The following CRYBG1 variants were observed in gnomAD, a reference collection of about 807,000 sequenced individuals.
CRYBG1 encodes the protein crystallin beta-gamma domain containing 1, also known as beta/gamma crystallin domain-containing protein 1.
Under a neutral mutation model 189.2 loss-of-function variants are expected in CRYBG1, and 139 were observed. The ratio of observed to expected loss-of-function variants is 0.73; its 90% CI spans 0.64 to 0.85. The LOEUF is 0.85. Ranked by LOEUF, CRYBG1 falls within the 40% of genes least tolerant of loss-of-function variation. The pLI is 0.00. For synonymous variants in CRYBG1, 1,023 were observed against 1,017.1 expected (o/e 1.01, Z -0.11); for missense variants, 2,611 against 2,675.8 (o/e 0.98, Z 0.53).
intron 20 of CRYBG1, among the ~76,000 whole-genome samples, chr6:106,563,299 C>T (rs1774778699): frequency 1.3e-5 from 2 of 152,022 alleles, no homozygotes; most frequent in Non-Finnish European, 2.9e-5. Flanking sequence ...CTAATAAATG[C>T]AATTCCGAGT....
At chr6:106,408,499 G>A (rs978564273) in intron 1 of CRYBG1, among the ~76,000 whole-genome samples, 2 of 152,062 alleles carry the variant, frequency 1.3e-5, no homozygotes, top group African/African-American at 2.4e-5. Context: ...AGAAAAAGAG[G>A]GACTCCTCCC....
intron 21 of CRYBG1, among the ~76,000 whole-genome samples, chr6:106,567,943 G>A (rs574571424): frequency 1.3e-5 from 2 of 152,134 alleles, no homozygotes; most frequent in East Asian, 1.9e-4. Flanking sequence ...ATGTACTTCC[G>A]GGTGTCATCC....
At chr6:106,421,369 T>A (rs1771119286) in intron 1 of CRYBG1, among the ~76,000 whole-genome samples, 2 of 152,178 alleles carry the variant, frequency 1.3e-5, no homozygotes, top group African/African-American at 4.8e-5. Flanking sequence ...TGCATTACCC[T>A]TGCCATGCCC....
At chr6:106,506,063 CGG>C (rs1310263775) in intron 2 of CRYBG1, among the ~76,000 whole-genome samples, 3 of 152,142 alleles carry the variant, frequency 2.0e-5, no homozygotes, top group African/African-American at 7.2e-5. Context: ...ACCTGTGCAC[CGG>C]TAGCTCCATC....
chr6:106,460,966 C>T (rs1340690452), intron 2 of CRYBG1, among the ~76,000 whole-genome samples: 3 of 151,914 alleles, frequency 2.0e-5, no homozygotes, highest in Non-Finnish European at 4.4e-5. Flanking sequence ...TTTGTATTTT[C>T]AGTAGAGACA....
intron 8 of CRYBG1, among the ~76,000 whole-genome samples, chr6:106,533,923 C>G (rs1371825164): frequency 6.6e-6 from 1 of 152,156 alleles, no homozygotes; most frequent in Non-Finnish European, 1.5e-5. Context: ...GCACAGGACA[C>G]AGTCCCAAAG....
intron 1 of CRYBG1, among the ~76,000 whole-genome samples, chr6:106,446,786 A>G (rs1771671380): frequency 6.6e-6 from 1 of 152,202 alleles, no homozygotes; most frequent in African/African-American, 2.4e-5. Flanking sequence ...CCCCCTTCTT[A>G]TATAAGCTTT....
chr6:106,413,518 C>T (rs1413021514), intron 1 of CRYBG1, among the ~76,000 whole-genome samples: 2 of 151,926 alleles, frequency 1.3e-5, no homozygotes, highest in African/African-American at 4.8e-5. Flanking sequence ...CTCTACTAAA[C>T]ATACAAAAAT....
chr6:106,507,098 A>G (rs567308186), intron 2 of CRYBG1, among the ~76,000 whole-genome samples: 2 of 152,352 alleles, frequency 1.3e-5, no homozygotes, highest in East Asian at 3.9e-4. Context: ...GTTGAGAATC[A>G]CCTAACAGCA....
intron 1 of CRYBG1, among the ~76,000 whole-genome samples, chr6:106,376,769 G>T (rs1770171491): frequency 6.6e-6 from 1 of 152,156 alleles, no homozygotes; most frequent in Non-Finnish European, 1.5e-5. Context: ...CTCTTTGTGT[G>T]TACCATCGGT....
chr6:106,368,158 A>C (rs1393122770), intron 1 of CRYBG1, among the ~76,000 whole-genome samples: 2 of 152,164 alleles, frequency 1.3e-5, no homozygotes, highest in Non-Finnish European at 2.9e-5. Flanking sequence ...TCACACCTAT[A>C]ATCCCAGCAC....
chr6:106,361,062 G>T lies in CRYBG1; in HGVS notation c.154G>T (p.Ala52Ser). The T allele has an allele frequency of 6.5e-7, 1 of 1,535,068 alleles. No homozygotes were observed. Among genetic ancestry groups the T allele is most frequent in the Non-Finnish European group, 8.7e-7 (1 of 1,146,546 alleles). ...CGVFVPHPLP[A>S]PAGEARALDV... ...GGTGTTCGTTCCGCACCCGCTCCCG[G>T]CGCCTGCCGGAGAGGCCAGGTGAGC... is the stretch of plus-strand genomic sequence containing the variant. Residue 52 changes from alanine to serine, a missense_variant, in exon 1 of 22, where the codon GCG becomes TCG. Physicochemically the swap from Ala to Ser is moderately conservative, Grantham distance 99. Coordinates refer to ENST00000633556, the MANE Select transcript of CRYBG1 (RefSeq NM_001371242.2).
chr6:106,431,629 G>A (rs946204075), intron 1 of CRYBG1, among the ~76,000 whole-genome samples: 7 of 152,122 alleles, frequency 4.6e-5, no homozygotes, highest in African/African-American at 9.7e-5. Flanking sequence ...TATTCTACCC[G>A]TAGGTGGACA....
Position 106,568,555 on chromosome 6 carries a change from C to A in CRYBG1, c.6385C>A (p.Leu2129Ile). ...KFTQVWEAMVLYT is the reference protein window; with the variant it reads ...KFTQVWEAMVIYT The stretch of plus-strand genomic sequence containing the variant: ...TACACAAGTGTGGGAAGCCATGGTC[C>A]TATATACCTGAACAAAGAAGGAAGA... The change falls in exon 22 of 22, where the codon CTA becomes ATA. Residue 2129 changes from leucine (L) to isoleucine (I), a missense_variant. By Grantham distance (5) the Leu-to-Ile change is conservative (BLOSUM62 2). Around this residue, in one of 3 missense-constraint regions of CRYBG1, gnomAD observed 1,622 missense variants for 1,735.0 expected, o/e 0.93. Coordinates refer to ENST00000633556, the MANE Select transcript of CRYBG1 (RefSeq NM_001371242.2). The A allele has an allele frequency of 3.7e-6, 6 of 1,609,088 alleles. No individual in the cohort carries two copies. Among genetic ancestry groups the A allele is most frequent in the Non-Finnish European group, 5.1e-6 (6 of 1,175,506 alleles).
chr6:106,435,690 C>T (rs1304630206), intron 1 of CRYBG1, among the ~76,000 whole-genome samples: 2 of 152,068 alleles, frequency 1.3e-5, no homozygotes, highest in Non-Finnish European at 2.9e-5. Context: ...CAACCTCCAC[C>T]TCCAGGAGTC....
chr6:106,384,202 C>T (rs1203425496), intron 1 of CRYBG1, among the ~76,000 whole-genome samples: 1 of 152,172 alleles, frequency 6.6e-6, no homozygotes, highest in Non-Finnish European at 1.5e-5. Flanking sequence ...AGAGACTCCT[C>T]TTTGACCTAC....
At chr6:106,540,475 C>T (rs1774104736) in intron 9 of CRYBG1, among the ~76,000 whole-genome samples, 1 of 152,084 alleles carries the variant, frequency 6.6e-6, no homozygotes, top group South Asian at 2.1e-4. Context: ...ATGATTTGGG[C>T]TTTTGTTTCT....
At chr6:106,528,169 T>C (rs1023799810) in intron 7 of CRYBG1, among the ~76,000 whole-genome samples, 9 of 152,160 alleles carry the variant, frequency 5.9e-5, no homozygotes, top group Admixed American at 3.9e-4. Context: ...TGAGTAACAG[T>C]TTTGGCAGAG....
At chr6:106,379,338 A>G (rs559741218) in intron 1 of CRYBG1, among the ~76,000 whole-genome samples, 1 of 151,010 alleles carries the variant, frequency 6.6e-6, no homozygotes, top group African/African-American at 2.4e-5. Flanking sequence ...CTTGGCTCAC[A>G]GCAATCTCTG....
Sources: gnomAD v4.1 joint callset for allele counts (sites outside exome capture counted in the v4.1 genomes callset) on GRCh38, gnomAD v4.1.1 for gene constraint, gnomAD v4.1.1 regional missense constraint, MANE v1.5 for transcripts, NCBI Gene and HGNC (gene_info 2026-07-23, HGNC 2026-07-21) for gene names.